The following PCDH15 variants were observed in gnomAD, a reference collection of about 807,000 sequenced individuals.
The protein encoded by PCDH15 is protocadherin-15.
Under a neutral mutation model 178.5 loss-of-function variants are expected in PCDH15, and 129 were observed. The ratio of observed to expected loss-of-function variants is 0.72; its 90% CI spans 0.63 to 0.84. The LOEUF (loss-of-function observed/expected upper bound fraction) is 0.84, where lower values mean the gene tolerates loss of function less well. Ranked by LOEUF, PCDH15 falls within the 40% of genes least tolerant of loss-of-function variation. The probability of loss-of-function intolerance (pLI) is 0.00; values close to 1 mark genes in which losing one functional copy is unlikely to be tolerated. For missense variants in PCDH15, 2,230 were observed against 2,099.9 expected (o/e 1.06, Z -1.21); for synonymous variants, 800 against 732.0 (o/e 1.09, Z -1.50).
At chr10:54,110,048 G>T (rs866818743) in intron 15 of PCDH15, among the ~76,000 whole-genome samples, 3 of 152,180 alleles carry the variant, frequency 2.0e-5, no homozygotes, top group Middle Eastern at 6.8e-3. Flanking sequence ...TTGGGGTATG[G>T]TATTTGTGGC....
intron 1 of PCDH15, among the ~76,000 whole-genome samples, chr10:55,239,095 G>T (rs191913573): frequency 1.3e-5 from 2 of 152,010 alleles, no homozygotes; most frequent in Non-Finnish European, 2.9e-5. Flanking sequence ...TTCCACAAAT[G>T]AGTAAGAATA....
chr10:55,078,822 T>C (rs1390997348), intron 2 of PCDH15, among the ~76,000 whole-genome samples: 2 of 152,010 alleles, frequency 1.3e-5, no homozygotes, highest in African/African-American at 4.8e-5. Flanking sequence ...ATCACTCTTA[T>C]GCCTTTGTGT....
chr10:55,450,471 A>G (rs1196103823), intron 2 of PCDH15, among the ~76,000 whole-genome samples: 1 of 152,182 alleles, frequency 6.6e-6, no homozygotes, highest in African/African-American at 2.4e-5. Context: ...CGCACCTAAT[A>G]GCCTAATACC....
chr10:54,884,583 A>G (rs540942621), intron 3 of PCDH15, among the ~76,000 whole-genome samples: 1 of 151,918 alleles, frequency 6.6e-6, no homozygotes, highest in East Asian at 1.9e-4. Flanking sequence ...CCAGATTCTC[A>G]AGAGTATAAA....
At chr10:54,760,988 C>T (rs555534363) in intron 1 of PCDH15, among the ~76,000 whole-genome samples, 23 of 151,918 alleles carry the variant, frequency 1.5e-4, no homozygotes, top group Non-Finnish European at 2.2e-4. Context: ...TATATTGGCT[C>T]GAATCAATAT....
At chr10:54,205,002 T>C (rs1351967108) in intron 10 of PCDH15, among the ~76,000 whole-genome samples, 1 of 152,170 alleles carries the variant, frequency 6.6e-6, no homozygotes, top group Non-Finnish European at 1.5e-5. Flanking sequence ...TTTTCTTTAT[T>C]AGTTTAATTT....
At chr10:54,884,075 T>G (rs1333959675) in intron 3 of PCDH15, among the ~76,000 whole-genome samples, 2 of 152,046 alleles carry the variant, frequency 1.3e-5, no homozygotes, top group Non-Finnish European at 2.9e-5. Context: ...ATTTATGTTT[T>G]TATGTGGCTC....
intron 2 of PCDH15, among the ~76,000 whole-genome samples, chr10:55,383,423 G>A (rs1837583686): frequency 1.3e-5 from 2 of 152,066 alleles, no homozygotes; most frequent in African/African-American, 2.4e-5. Flanking sequence ...CAACATTTGG[G>A]CAGGAAAACA....
chr10:54,912,456 C>T (rs999773278), intron 2 of PCDH15, among the ~76,000 whole-genome samples: 1 of 152,104 alleles, frequency 6.6e-6, no homozygotes, highest in Admixed American at 6.6e-5. Flanking sequence ...CTCTCCTGCT[C>T]CACGAGGTGA....
chr10:55,192,739 C>G (rs78262277), intron 1 of PCDH15, among the ~76,000 whole-genome samples: 1 of 149,684 alleles, frequency 6.7e-6, no homozygotes, highest in Non-Finnish European at 1.5e-5. Context: ...CTCTCTCTCT[C>G]TCTATATATA....
At chr10:53,943,147 G>T (rs2086215961) in intron 23 of PCDH15, among the ~76,000 whole-genome samples, 1 of 151,972 alleles carries the variant, frequency 6.6e-6, no homozygotes, top group Non-Finnish European at 1.5e-5. Context: ...ATACAGTATG[G>T]AAACAAGACG....
At chr10:54,619,855 A>G (rs1253550538) in intron 2 of PCDH15, among the ~76,000 whole-genome samples, 1 of 152,064 alleles carries the variant, frequency 6.6e-6, no homozygotes, top group African/African-American at 2.4e-5. Flanking sequence ...TTCTAAGAGT[A>G]GGTTCACTGA....
chr10:54,050,260 C>A (rs978017894), intron 18 of PCDH15, among the ~76,000 whole-genome samples: 2 of 152,102 alleles, frequency 1.3e-5, no homozygotes, highest in African/African-American at 2.4e-5. Flanking sequence ...TCTGTTCAAG[C>A]TTTTGATTTC....
chr10:54,941,005 C>T (rs1012580654), intron 2 of PCDH15, among the ~76,000 whole-genome samples: 2 of 151,816 alleles, frequency 1.3e-5, no homozygotes, highest in Non-Finnish European at 1.5e-5. Context: ...CATTTATTTA[C>T]TTTTGATGTC....
chr10:53,829,861 CT>C (rs1185307653), intron 30 of PCDH15, among the ~76,000 whole-genome samples: 2 of 152,082 alleles, frequency 1.3e-5, no homozygotes, highest in Admixed American at 6.6e-5. Context: ...ATTCATGATA[CT>C]TTTTTTCATA....
chr10:53,984,806 C>T (rs1426194064), intron 21 of PCDH15, among the ~76,000 whole-genome samples: 1 of 152,154 alleles, frequency 6.6e-6, no homozygotes, highest in African/African-American at 2.4e-5. Context: ...TATCTTTTAA[C>T]TAGACCATTT....
chr10:54,321,458 T>C (rs1378054084), intron 7 of PCDH15, among the ~76,000 whole-genome samples: 3 of 151,646 alleles, frequency 2.0e-5, no homozygotes, highest in African/African-American at 4.8e-5. Context: ...GAATGTAGCA[T>C]GCAGATATAA....
intron 5 of PCDH15, among the ~76,000 whole-genome samples, chr10:54,351,141 TTATATG>T (rs1944112378): frequency 1.3e-5 from 2 of 152,004 alleles, no homozygotes; most frequent in Non-Finnish European, 2.9e-5. Context: ...TAGTAGGTGG[TTATATG>T]TATATTATAT....
At chr10:54,918,175 C>T (rs1381427509) in intron 2 of PCDH15, among the ~76,000 whole-genome samples, 1 of 152,060 alleles carries the variant, frequency 6.6e-6, no homozygotes, top group Non-Finnish European at 1.5e-5. Context: ...CCATACGCTT[C>T]TATTAATTTT....
Sources: gnomAD v4.1 joint callset for allele counts (sites outside exome capture counted in the v4.1 genomes callset) on GRCh38, gnomAD v4.1.1 for gene constraint, MANE v1.5 for transcripts, NCBI Gene and HGNC (gene_info 2026-07-23, HGNC 2026-07-21) for gene names.